The following PJVK variants were observed in gnomAD, a reference collection of about 807,000 sequenced individuals.
PJVK encodes autosomal recessive deafness type 59 protein.
A neutral mutation model predicts 37.6 loss-of-function variants in PJVK; 33 were observed. The ratio of observed to expected loss-of-function variants is 0.88; its 90% confidence interval spans 0.67 to 1.17. PJVK has a LOEUF of 1.17. PJVK is among the 50% of genes most tolerant of loss of function. The pLI is 0.00. For missense variants in PJVK, 410 were observed against 413.8 expected (o/e 0.99, Z 0.08); for synonymous variants, 141 against 143.5 (o/e 0.98, Z 0.13).
intron 6 of PJVK, 130 bp from the exon 7 acceptor site, chr2:178,460,848 CAAAA>C (rs748779811): frequency 0.015 from 4,464 of 300,760 alleles, no homozygotes; most frequent in South Asian, 0.021. Context: ...GACCCTGTCT[CAAAA>C]AAAAAAAAAA....
chr2:178,458,669 TA>T, intron 5 of PJVK, 42 bp downstream of exon 5: 1 of 1,446,526 alleles, frequency 6.9e-7, no homozygotes, highest in Non-Finnish European at 9.7e-7. Flanking sequence ...ATTATATTTT[TA>T]AGGAGCATTC....
At chr2:178,460,848 CAAA>C (rs748779811) in intron 6 of PJVK, 131 bp from the exon 7 acceptor site, 10,638 of 288,998 alleles carry the variant, frequency 0.037, no homozygotes, top group Middle Eastern at 0.057. Flanking sequence ...GACCCTGTCT[CAAA>C]AAAAAAAAAA....
At chr2:178,458,860 C>A (rs1405123726) in intron 5 of PJVK, among the ~76,000 whole-genome samples, 1 of 152,098 alleles carries the variant, frequency 6.6e-6, no homozygotes, top group African/African-American at 2.4e-5. Context: ...TCTCCACTAC[C>A]CCATTTAAAA....
At chr2:178,457,825 C>G (rs1684229107) in intron 4 of PJVK, among the ~76,000 whole-genome samples, 1 of 152,198 alleles carries the variant, frequency 6.6e-6, no homozygotes, top group East Asian at 1.9e-4. Context: ...TGCCACTGCT[C>G]TCCAGCCTGG....
chr2:178,454,595 C>T, intron 3 of PJVK, 68 bp downstream of exon 3: 1 of 1,515,228 alleles, frequency 6.6e-7, no homozygotes, highest in Non-Finnish European at 9.0e-7. Context: ...AACTTCATTA[C>T]AAAGAATGCT....
chr2:178,454,282 T>A, intron 2 of PJVK, 50 bp from the exon 3 acceptor site: 2 of 1,491,262 alleles, frequency 1.3e-6, no homozygotes, highest in Non-Finnish European at 1.8e-6. Context: ...CTATATATAA[T>A]CTACATAAGA....
chr2:178,455,709 C>T (rs913277615), intron 3 of PJVK, among the ~76,000 whole-genome samples: 7 of 151,782 alleles, frequency 4.6e-5, no homozygotes, highest in Non-Finnish European at 8.8e-5. Flanking sequence ...TACTTTGGCT[C>T]TACACACATT....
At chr2:178,452,222 G>A in intron 1 of PJVK, 1 of 867,754 alleles carries the variant, frequency 1.2e-6, no homozygotes, top group Middle Eastern at 5.9e-4. Context: ...GAACCCGGGA[G>A]GCAAATGTTG....
At chr2:178,459,049 T>G (rs141713493) in intron 5 of PJVK, 5 of 414,274 alleles carry the variant, frequency 1.2e-5, no homozygotes, top group Admixed American at 1.1e-4. Flanking sequence ...CAGCTTTTCT[T>G]ACTTCAGTTT....
rs946878578 is a variant in PJVK at position 178,458,355 on chromosome 2, T to C, written c.550-155T>C. Among the ~76,000 whole-genome samples, 23 of 152,356 alleles carry C rather than the reference T, an allele frequency of 1.5e-4. No individual in the cohort carries two copies. In the Middle Eastern group the frequency reaches 0.014, roughly 90 times the overall value. On this transcript the variant is annotated intron_variant, in intron 4 of 6. Coordinates refer to ENST00000644580, the MANE Select transcript of PJVK (RefSeq NM_001042702.5). ...GTTTCTGTTGGACCAATTGGATCTC[T>C]GCTATAAAAAATGGTTTAATTCAAG...
chr2:178,454,809 A>G, intron 3 of PJVK: 1 of 1,426,138 alleles, frequency 7.0e-7, no homozygotes, highest in Non-Finnish European at 9.9e-7. Context: ...GGATGCAGAG[A>G]ATCATGAGGC....
chr2:178,460,873 GC>G, intron 6 of PJVK, 108 bp from the exon 7 acceptor site: 1 of 503,294 alleles, frequency 2.0e-6, no homozygotes, highest in East Asian at 5.4e-5. Flanking sequence ...AAAAAAAAAA[GC>G]CAAATTATTT....
chr2:178,458,881 G>A (rs1684297585), intron 5 of PJVK, among the ~76,000 whole-genome samples: 1 of 152,124 alleles, frequency 6.6e-6, no homozygotes, highest in African/African-American at 2.4e-5. Context: ...TTATAAATAA[G>A]AGCTAAAATG....
chr2:178,451,921 C>CA, intron 1 of PJVK, 152 bp downstream of exon 1: 5 of 821,500 alleles, frequency 6.1e-6, no homozygotes, highest in African/African-American at 1.8e-5. Flanking sequence ...TAGGCACTAG[C>CA]AGAAATGCTC....
chr2:178,452,368 G>A, intron 1 of PJVK: 1 of 983,012 alleles, frequency 1.0e-6, no homozygotes, highest in Non-Finnish European at 1.2e-6. Flanking sequence ...ACAAGTGAAA[G>A]ATGTTCAGAA....
chr2:178,453,363 A>T (rs1697828367), intron 1 of PJVK, 25 bp from the exon 2 acceptor site: 1 of 1,602,270 alleles, frequency 6.2e-7, no homozygotes. Flanking sequence ...TCCTCTTTAA[A>T]AATGGATTTA....
intron 4 of PJVK, among the ~76,000 whole-genome samples, chr2:178,457,531 C>A (rs1684197056): frequency 6.6e-6 from 1 of 152,110 alleles, no homozygotes; most frequent in African/African-American, 2.4e-5. Flanking sequence ...CAGGGGGCTG[C>A]CTGCGGGGTT....
intron 4 of PJVK, 47 bp from the exon 5 acceptor site, chr2:178,458,463 C>A: frequency 7.0e-7 from 1 of 1,426,162 alleles, no homozygotes; most frequent in South Asian, 1.2e-5. Flanking sequence ...AAAAGCTATC[C>A]TTACATGTTA....
chr2:178,460,616 G>C (rs972742604), intron 6 of PJVK, among the ~76,000 whole-genome samples, 170 bp downstream of exon 6: 1 of 152,000 alleles, frequency 6.6e-6, no homozygotes, highest in South Asian at 2.1e-4. Flanking sequence ...GCCAGGGCAG[G>C]CAGATTGCTA....
Sources: gnomAD v4.1 joint callset for allele counts (sites outside exome capture counted in the v4.1 genomes callset) on GRCh38, gnomAD v4.1.1 for gene constraint, MANE v1.5 for transcripts, NCBI Gene and HGNC (gene_info 2026-07-23, HGNC 2026-07-21) for gene names.